TUSC3: variants seen among roughly 807,000 people sequenced by gnomAD.
The protein encoded by TUSC3 is tumor suppressor candidate 3, also known as dolichyl-diphosphooligosaccharide--protein glycosyltransferase subunit TUSC3.
Under a neutral mutation model 44.8 loss-of-function variants are expected in TUSC3, and 45 were observed. The observed-to-expected ratio is 1.00, with a 90% CI of 0.79 to 1.29. TUSC3 has a LOEUF of 1.29. TUSC3 is among the 50% of genes most tolerant of loss of function. The pLI is 0.00. For missense variants in TUSC3, 519 were observed against 437.9 expected, an observed-to-expected ratio of 1.19 and a Z score of -1.65; for synonymous variants, 212 against 152.9, an observed-to-expected ratio of 1.39 and a Z score of -2.85.
At chr8:15,576,976 GT>G (rs1257936896) in intron 1 of TUSC3, among the ~76,000 whole-genome samples, 2 of 129,512 alleles carry the variant, frequency 1.5e-5, no homozygotes. Flanking sequence ...AGCACCTGTT[GT>G]TTCCTGACTT....
At chr8:15,703,100 C>G (rs1201356684) in intron 6 of TUSC3, among the ~76,000 whole-genome samples, 2 of 152,012 alleles carry the variant, frequency 1.3e-5, no homozygotes, top group African/African-American at 4.8e-5. Flanking sequence ...TGTTGATTCC[C>G]CAAATGATTA....
intron 5 of TUSC3, among the ~76,000 whole-genome samples, chr8:15,670,222 CAAT>C (rs1807882622): frequency 6.6e-6 from 1 of 151,620 alleles, no homozygotes; most frequent in Non-Finnish European, 1.5e-5. Context: ...TGGAAATTGA[CAAT>C]GAGATTTTAG....
intron 2 of TUSC3, among the ~76,000 whole-genome samples, chr8:15,648,773 C>T (rs1323530316): frequency 2.0e-5 from 2 of 97,878 alleles, no homozygotes; most frequent in African/African-American, 7.9e-5. Context: ...TCCTGTTGAA[C>T]AAAGCATCAT....
chr8:15,623,338 G>C lies in TUSC3; in HGVS notation c.308+89G>C. 3 of 1,296,152 alleles carry C rather than the reference G, an allele frequency of 2.3e-6. No individual in the cohort carries two copies. The South Asian group carries it at 5.4e-5, about 23-fold the overall frequency. The allele number at this position is 1,296,152 out of a possible 1,614,324, so 80.3% of individuals were successfully genotyped here. A position where few individuals can be genotyped will look rare whatever the true frequency, so the allele number is the denominator to read the frequency against. On this transcript the variant is annotated intron_variant, in intron 2 of 10. Coordinates refer to ENST00000503731, the MANE Select transcript of TUSC3 (RefSeq NM_006765.4). ...TTCATTTTAAGATAAATATATGTAA[G>C]ATAAACAGTTGTTTAATAGTCAAAT...
intron 2 of TUSC3, among the ~76,000 whole-genome samples, chr8:15,526,174 A>C (rs190225816): frequency 7.2e-5 from 11 of 152,050 alleles, no homozygotes; most frequent in African/African-American, 2.4e-4. Flanking sequence ...CTGTGACTAC[A>C]GGCGCCCGCC....
chr8:15,663,887 A>T (rs1311119322), intron 5 of TUSC3, among the ~76,000 whole-genome samples: 2 of 151,826 alleles, frequency 1.3e-5, no homozygotes, highest in East Asian at 3.9e-4. Flanking sequence ...TTGTTGCAAA[A>T]TCAAAACTTC....
intron 1 of TUSC3, among the ~76,000 whole-genome samples, chr8:15,619,806 G>T (rs954915475): frequency 1.3e-5 from 2 of 152,006 alleles, no homozygotes; most frequent in Non-Finnish European, 2.9e-5. Context: ...CACCGTGCCC[G>T]GCCTATTCCA....
chr8:15,470,092 C>T (rs532585827), intron 1 of TUSC3, among the ~76,000 whole-genome samples: 1 of 139,464 alleles, frequency 7.2e-6, no homozygotes, highest in South Asian at 2.3e-4. Context: ...CTCGTCCCTA[C>T]AAAAAAAATT....
At chr8:15,774,592 G>A in the TUSC3 span, among the ~76,000 whole-genome samples, 8 of 152,114 alleles carry the variant, frequency 5.3e-5, no homozygotes, top group South Asian at 2.1e-4. Flanking sequence ...CATTAAGATC[G>A]TAAATTTCTG....
intron 6 of TUSC3, among the ~76,000 whole-genome samples, chr8:15,700,798 G>T (rs12678007): frequency 0.5 from 72,863 of 145,972 alleles, 20,120 homozygotes; most frequent in Non-Finnish European, 0.63. Context: ...GTCTGAAAAA[G>T]AATGTTTGTT....
At chr8:15,417,640 A>G (rs1032668020) in intron 1 of TUSC3, among the ~76,000 whole-genome samples, 1 of 152,204 alleles carries the variant, frequency 6.6e-6, no homozygotes, top group African/African-American at 2.4e-5. Context: ...AATATATACT[A>G]GAGAGAAAAT....
At chr8:15,660,242 AAAAAT>A (rs1378775681) in intron 4 of TUSC3, among the ~76,000 whole-genome samples, 2 of 152,080 alleles carry the variant, frequency 1.3e-5, no homozygotes, top group Non-Finnish European at 2.9e-5. Flanking sequence ...TCAAATGTCT[AAAAAT>A]AAGAAAAAGT....
At chr8:15,626,950 C>G (rs1805537534) in intron 2 of TUSC3, among the ~76,000 whole-genome samples, 1 of 143,206 alleles carries the variant, frequency 7.0e-6, no homozygotes, top group Non-Finnish European at 1.5e-5. Context: ...TGATGAAACC[C>G]CACCTTCAAG....
At chr8:15,739,717 G>C (rs1183026280) in intron 7 of TUSC3, among the ~76,000 whole-genome samples, 1 of 152,162 alleles carries the variant, frequency 6.6e-6, no homozygotes, top group Non-Finnish European at 1.5e-5. Flanking sequence ...TTATGAAGAA[G>C]ATTTTTATTC....
chr8:15,701,872 G>A (rs529877125), intron 6 of TUSC3, among the ~76,000 whole-genome samples: 10 of 152,250 alleles, frequency 6.6e-5, no homozygotes, highest in Admixed American at 4.6e-4. Context: ...AAATTGGTCT[G>A]TGAGAATTTC....
chr8:15,617,493 A>T (rs12547644), intron 1 of TUSC3, among the ~76,000 whole-genome samples: 46,861 of 151,852 alleles, frequency 0.31, 7,972 homozygotes, highest in East Asian at 0.43. Context: ...CTCCTGTCCA[A>T]CGTCACAATA....
chr8:15,656,467 G>C (rs138405232), intron 3 of TUSC3, among the ~76,000 whole-genome samples: 9 of 152,174 alleles, frequency 5.9e-5, no homozygotes, highest in Non-Finnish European at 1.5e-5. Flanking sequence ...CTCCAAGTAA[G>C]TCCAAAAACT....
intron 1 of TUSC3, among the ~76,000 whole-genome samples, chr8:15,425,346 G>A (rs10090725): frequency 0.042 from 6,345 of 152,248 alleles, 221 homozygotes; most frequent in African/African-American, 0.088. Flanking sequence ...TGCTTTGGCA[G>A]ACTGTTTCGT....
intron 6 of TUSC3, among the ~76,000 whole-genome samples, chr8:15,696,761 G>T (rs1212107213): frequency 6.6e-6 from 1 of 152,066 alleles, no homozygotes; most frequent in Admixed American, 6.6e-5. Context: ...TTCTTTTTTG[G>T]TTATGTCTTT....
Sources: gnomAD v4.1 joint callset for allele counts (sites outside exome capture counted in the v4.1 genomes callset) on GRCh38, gnomAD v4.1.1 for gene constraint, MANE v1.5 for transcripts, NCBI Gene and HGNC (gene_info 2026-07-23, HGNC 2026-07-21) for gene names.